Variants in GRAP2 observed in about 807,000 individuals in gnomAD.
GRAP2 encodes the protein GRB2 related adaptor protein 2, also known as GRB2-related adapter protein 2.
In GRAP2, 31 loss-of-function variants were observed where a neutral mutation model predicts 43.5. That is an observed-to-expected ratio of 0.71 (90% confidence interval 0.54 to 0.96). The LOEUF (loss-of-function observed/expected upper bound fraction) is 0.96, where lower values mean the gene tolerates loss of function less well. Ranked by LOEUF, GRAP2 falls within the 40% of genes least tolerant of loss-of-function variation. The pLI is 0.00. For missense variants in GRAP2, 371 were observed against 424.4 expected, an observed-to-expected ratio of 0.87 and a Z score of 1.11; for synonymous variants, 156 against 164.8, an observed-to-expected ratio of 0.95 and a Z score of 0.41.
chr22:39,918,096 A>G (rs1490289500), intron 1 of GRAP2, among the ~76,000 whole-genome samples: 1 of 152,204 alleles, frequency 6.6e-6, no homozygotes, highest in Non-Finnish European at 1.5e-5. Flanking sequence ...TGTAAGAGGT[A>G]GTTAACAAAG....
At chr22:39,902,693 T>C (rs1242116599) in intron 1 of GRAP2, among the ~76,000 whole-genome samples, 1 of 152,224 alleles carries the variant, frequency 6.6e-6, no homozygotes, top group African/African-American at 2.4e-5. Context: ...GATCAATCTA[T>C]TCAATATGAA....
At chr22:39,947,028 C>G (rs2066929375) in intron 1 of GRAP2, 65 bp from the exon 2 acceptor site, 1 of 907,544 alleles carries the variant, frequency 1.1e-6, no homozygotes, top group African/African-American at 1.6e-5. Flanking sequence ...TACCAGGAAG[C>G]ACCATCGGCT....
At chr22:39,958,947 A>T (rs1303356708) in intron 3 of GRAP2, among the ~76,000 whole-genome samples, 1 of 152,232 alleles carries the variant, frequency 6.6e-6, no homozygotes, top group Non-Finnish European at 1.5e-5. Context: ...GTCTCCAGTA[A>T]GTACATCCTT....
chr22:39,944,743 C>T lies in GRAP2; in HGVS notation c.-14-2350C>T, dbSNP rs73885624. Among the ~76,000 whole-genome samples, 869 of 152,346 alleles carry T rather than the reference C, an allele frequency of 5.7e-3. 11 individuals carry two copies. The highest frequency in any genetic ancestry group is 0.02 in the African/African-American group (834 of 41,574). On this transcript the variant is annotated intron_variant, in intron 1 of 7. Coordinates refer to ENST00000344138, the MANE Select transcript of GRAP2 (RefSeq NM_004810.4). Reference sequence around the variant, plus strand: ...CCTGGACCCAGTGCCCAAGCCTGAGCTGAGTTACATGTCATGTTGGAAAGA... The same window carrying T: ...CCTGGACCCAGTGCCCAAGCCTGAGTTGAGTTACATGTCATGTTGGAAAGA...
At chr22:39,894,385 G>A in the GRAP2 span, among the ~76,000 whole-genome samples, 3 of 133,718 alleles carry the variant, frequency 2.2e-5, no homozygotes, top group Admixed American at 2.5e-4. Flanking sequence ...CATGGACACA[G>A]GAAGGGGAAC....
Position 39,971,307 on chromosome 22 carries a change from C to G in GRAP2, c.*223C>G, listed in dbSNP as rs2067240620. 1.9e-6 allele frequency: 1 copy of G among 514,040 alleles called. No homozygotes were observed. The highest frequency in any genetic ancestry group is 2.0e-5 in the African/African-American group (1 of 49,646). The allele number at this position is 514,040 out of a possible 1,614,324, so 31.8% of individuals were successfully genotyped here. ...AATATTGACACTTGCTTTTCTGCCC[C>G]CCTCAGGGGTGTGTGGAAGGCAGTG... On this transcript the variant is annotated 3_prime_UTR_variant, in exon 8 of 8. Transcript: ENST00000344138.
intron 1 of GRAP2, among the ~76,000 whole-genome samples, chr22:39,918,298 C>T (rs769535855): frequency 6.6e-6 from 1 of 152,144 alleles, no homozygotes; most frequent in Non-Finnish European, 1.5e-5. Context: ...GTTATGAAAT[C>T]GCAGACGAAT....
chr22:39,909,498 C>T (rs957439894), intron 1 of GRAP2, among the ~76,000 whole-genome samples: 3 of 152,294 alleles, frequency 2.0e-5, no homozygotes, highest in East Asian at 1.9e-4. Flanking sequence ...TGTAATGCTT[C>T]GTCTTGTAGA....
intron 3 of GRAP2, among the ~76,000 whole-genome samples, chr22:39,956,315 G>A (rs564862069): frequency 8.1e-5 from 12 of 149,054 alleles, no homozygotes; most frequent in South Asian, 4.3e-4. Context: ...ATGCCACCAC[G>A]CCAGGCTAGT....
intron 1 of GRAP2, among the ~76,000 whole-genome samples, chr22:39,907,823 T>A (rs115077768): frequency 2.0e-3 from 300 of 152,312 alleles, no homozygotes; most frequent in African/African-American, 6.8e-3. Context: ...AGACCACAGA[T>A]TTTACCTCTC....
intron 4 of GRAP2, chr22:39,964,595 G>A (rs2067152788): frequency 1.3e-6 from 1 of 767,694 alleles, no homozygotes; most frequent in Non-Finnish European, 2.4e-6. Flanking sequence ...TAAGGAGACG[G>A]TGACCCTTTA....
the GRAP2 span, among the ~76,000 whole-genome samples, chr22:39,894,729 G>A: frequency 6.6e-6 from 1 of 152,206 alleles, no homozygotes; most frequent in Non-Finnish European, 1.5e-5. Flanking sequence ...CACCCACTTT[G>A]TGCCAGACAG....
intron 1 of GRAP2, among the ~76,000 whole-genome samples, chr22:39,924,057 A>G (rs573438216): frequency 6.6e-6 from 1 of 152,220 alleles, no homozygotes; most frequent in Non-Finnish European, 1.5e-5. Context: ...TTCTCCAGCC[A>G]TGTGACGTTA....
chr22:39,902,359 A>G (rs565137530), intron 1 of GRAP2, among the ~76,000 whole-genome samples: 1 of 152,312 alleles, frequency 6.6e-6, no homozygotes, highest in East Asian at 1.9e-4. Context: ...ACTCTCCTTT[A>G]ACAATCCAGT....
At chr22:39,953,931 T>G (rs2067017918) in intron 2 of GRAP2, among the ~76,000 whole-genome samples, 1 of 152,212 alleles carries the variant, frequency 6.6e-6, no homozygotes, top group African/African-American at 2.4e-5. Context: ...TTCTGAACTC[T>G]AATTCTTACT....
upstream of GRAP2, among the ~76,000 whole-genome samples, chr22:39,897,032 T>C (rs2066468621): frequency 6.6e-6 from 1 of 152,194 alleles, no homozygotes; most frequent in Non-Finnish European, 1.5e-5. Context: ...TCTCTATCTA[T>C]ATTCACTCCA....
chr22:39,901,854 G>C (rs1204183349), intron 1 of GRAP2, among the ~76,000 whole-genome samples: 1 of 152,216 alleles, frequency 6.6e-6, no homozygotes, highest in Non-Finnish European at 1.5e-5. Flanking sequence ...AGTGTATTTT[G>C]GAAGGGTATT....
chr22:39,928,027 G>A (rs2066722015), intron 1 of GRAP2, among the ~76,000 whole-genome samples: 1 of 152,154 alleles, frequency 6.6e-6, no homozygotes, highest in Non-Finnish European at 1.5e-5. Flanking sequence ...GTCCCTAAAG[G>A]CATCTGACCA....
At chr22:39,899,406 C>T (rs1203905301), upstream of GRAP2, among the ~76,000 whole-genome samples, 1 of 152,156 alleles carries the variant, frequency 6.6e-6, no homozygotes, top group African/African-American at 2.4e-5. Context: ...CATTTCAAAA[C>T]CATCGACTTG....
Sources: gnomAD v4.1 joint callset for allele counts (sites outside exome capture counted in the v4.1 genomes callset) on GRCh38, gnomAD v4.1.1 for gene constraint, MANE v1.5 for transcripts, NCBI Gene and HGNC (gene_info 2026-07-23, HGNC 2026-07-21) for gene names.